Variants in SEMA4F observed in about 807,000 individuals in gnomAD.
SEMA4F encodes ssemaphorin 4F.
Under a neutral mutation model 78.4 loss-of-function variants are expected in SEMA4F, and 51 were observed. That is an observed-to-expected ratio of 0.65 (90% CI 0.52 to 0.82). The LOEUF (loss-of-function observed/expected upper bound fraction) is 0.82. Ranked by LOEUF, SEMA4F falls within the 40% of genes least tolerant of loss-of-function variation. The pLI is 0.00. For missense variants in SEMA4F, 938 were observed against 1,014.4 expected, an observed-to-expected ratio of 0.92 and a Z score of 1.02; for synonymous variants, 418 against 408.7, an observed-to-expected ratio of 1.02 and a Z score of -0.27.
the SEMA4F span, among the ~76,000 whole-genome samples, chr2:74,689,866 A>G: frequency 1.3e-5 from 2 of 152,230 alleles, no homozygotes. Flanking sequence ...TCATGTCTCA[A>G]CACAGGCAAA....
chr2:74,696,493 C>T, the SEMA4F span, among the ~76,000 whole-genome samples: 15 of 152,230 alleles, frequency 9.9e-5, no homozygotes, highest in African/African-American at 2.4e-4. Context: ...CCACCGCGCC[C>T]GGCCCTGCCT....
chr2:74,705,056 T>G, the SEMA4F span, among the ~76,000 whole-genome samples: 1 of 152,220 alleles, frequency 6.6e-6, no homozygotes, highest in African/African-American at 2.4e-5. Flanking sequence ...AGGGTCAGGA[T>G]GGACAGAGAA....
intron 13 of SEMA4F, 132 bp from the exon 14 acceptor site, chr2:74,679,467 C>T (rs1340769245): frequency 6.8e-7 from 1 of 1,481,262 alleles, no homozygotes; most frequent in African/African-American, 1.4e-5. Context: ...CGGGCCTTAG[C>T]CTCTTTAGGA....
chr2:74,658,376 A>G lies in SEMA4F; in HGVS notation c.456+425A>G, dbSNP rs912764248. 1.3e-5 allele frequency among the ~76,000 whole-genome samples: 2 copies of G among 152,204 alleles called. No individual in the cohort carries two copies. Among genetic ancestry groups the G allele is most frequent in the Admixed American group, 6.5e-5 (1 of 15,286 alleles). On this transcript the variant is annotated intron_variant, in intron 4 of 13. Transcript: ENST00000357877. This position sits in a 1 kb window ranked among gnomAD's most constrained non-coding sequence, Gnocchi z 4.3. ...CCCATTGCCTGTTTCTTCCTTTCAC[A>G]GCATGTGACTGTCTCTTACCACCTT...
In SEMA4F at chr2:74,679,621, TC is replaced by T; in HGVS notation, c.1728del (p.Val577TrpfsTer28). On this transcript the variant is annotated frameshift_variant, in exon 14 of 14. Transcript: ENST00000357877. LOFTEE classifies it high-confidence loss of function. ...CAGAACGTCCAGTAGTGTTTGAAGT[TC>T]CCGTGGCTACAGCTGCGCATGTGGT... Reference protein sequence around the residue: ...PGERPVVFEVPVATAAHVVLP... With the variant: ...PGERPVVFEVXVATAAHVVLP... 6.2e-7 allele frequency: 1 copy of T among 1,605,044 alleles called. No homozygotes were observed. Among genetic ancestry groups the T allele is most frequent in the South Asian group, 1.1e-5 (1 of 90,860 alleles).
chr2:74,701,313 C>T, the SEMA4F span, among the ~76,000 whole-genome samples: 2 of 152,156 alleles, frequency 1.3e-5, no homozygotes, highest in Non-Finnish European at 1.5e-5. Context: ...CTAGCTTTTT[C>T]AGCTACATTC....
rs752779841 is a variant in SEMA4F, at chr2:74,656,529, G to A, written c.146-5G>A. The A allele has an allele frequency of 6.2e-7, 1 of 1,612,964 alleles. No individual in the cohort carries two copies. Among genetic ancestry groups the A allele is most frequent in the Non-Finnish European group, 8.5e-7 (1 of 1,179,120 alleles). On this transcript the variant is annotated splice_polypyrimidine_tract_variant and splice_region_variant and intron_variant, in intron 1 of 13. Transcript: ENST00000357877. The stretch of plus-strand genomic sequence containing the variant: ...GCTAACATCACTCTCCTCTCTTCCT[G>A]CCAGAGGCTGACTCCTGTCTCACCC...
Position 74,657,883 on chromosome 2 carries a change from G to A in SEMA4F, c.388G>A (p.Ala130Thr), listed in dbSNP as rs375008251. ...DECHNFVQILAIANASHLLTC... is the reference protein window; with the variant it reads ...DECHNFVQILTIANASHLLTC... ...ATGTCACAATTTTGTCCAGATTCTC[G>A]CCATTGCCAATGCCTCTCACCTCCT... The change falls in exon 4 of 14, where the codon GCC becomes ACC. Residue 130 changes from alanine (A) to threonine (T), a missense_variant. Coordinates refer to ENST00000357877, the MANE Select transcript of SEMA4F (RefSeq NM_004263.5). 5.0e-6 allele frequency: 8 copies of A among 1,614,152 alleles called. No individual in the cohort carries two copies. The highest frequency in any genetic ancestry group is 2.2e-5 in the East Asian group (1 of 44,888).
the SEMA4F span, among the ~76,000 whole-genome samples, chr2:74,689,485 C>T: frequency 6.6e-6 from 1 of 152,032 alleles, no homozygotes; most frequent in Non-Finnish European, 1.5e-5. Context: ...ATCATTTGAT[C>T]CAGTAATTAC....
At chr2:74,670,126 C>T (rs1265235480) in intron 5 of SEMA4F, among the ~76,000 whole-genome samples, 3 of 152,118 alleles carry the variant, frequency 2.0e-5, no homozygotes, top group Non-Finnish European at 4.4e-5. Flanking sequence ...ATCCATTCAG[C>T]AATAATTTGC....
chr2:74,705,066 A>T, the SEMA4F span, among the ~76,000 whole-genome samples: 1 of 152,218 alleles, frequency 6.6e-6, no homozygotes, highest in East Asian at 1.9e-4. Context: ...TGGACAGAGA[A>T]GTGCATTTAT....
the SEMA4F span, among the ~76,000 whole-genome samples, chr2:74,705,425 AC>A: frequency 6.6e-6 from 1 of 152,254 alleles, no homozygotes; most frequent in Non-Finnish European, 1.5e-5. Flanking sequence ...GTAAGTAGAG[AC>A]ATCCCTGTAT....
Position 74,680,316 on chromosome 2 carries a change from T to G in SEMA4F, c.*107T>G. The stretch of plus-strand genomic sequence containing the variant: ...AGACCATCCCAGCCTCTGAGTTCTC[T>G]TTGAGTATGAGTGATTACTTGGATT... On this transcript the variant is annotated 3_prime_UTR_variant, in exon 14 of 14. Transcript: ENST00000357877. 7.7e-7 allele frequency: 1 copy of G among 1,305,066 alleles called. No individual in the cohort carries two copies. Among genetic ancestry groups the G allele is most frequent in the Non-Finnish European group, 1.0e-6 (1 of 952,566 alleles). The allele number at this position is 1,305,066 out of a possible 1,614,324, so 80.8% of individuals were successfully genotyped here. A position where few individuals can be genotyped will look rare whatever the true frequency, so the allele number is the denominator to read the frequency against.
chr2:74,697,056 A>G, the SEMA4F span, among the ~76,000 whole-genome samples: 1 of 152,230 alleles, frequency 6.6e-6, no homozygotes, highest in Non-Finnish European at 1.5e-5. Flanking sequence ...ACTTTTGACG[A>G]ATATTACCAA....
Position 74,675,289 on chromosome 2 carries a change from TG to T in SEMA4F, c.1278del (p.Leu427TrpfsTer16), listed in dbSNP as rs1031496406. The T allele has an allele frequency of 6.2e-7, 1 of 1,614,068 alleles. No individual in the cohort carries two copies. Among genetic ancestry groups the T allele is most frequent in the Admixed American group, 1.7e-5 (1 of 60,010 alleles). The part of the protein sequence containing the change: ...RPVFPADGHP[L>X]LVTTDTAYLR... ...GTGTTTCCAGCTGATGGCCACCCCC[TG>T]CTGGTCACTACAGATACAGCCTATC... On this transcript the variant is annotated frameshift_variant, in exon 10 of 14. Coordinates refer to ENST00000357877, the MANE Select transcript of SEMA4F (RefSeq NM_004263.5). LOFTEE classifies it high-confidence loss of function.
intron 4 of SEMA4F, among the ~76,000 whole-genome samples, chr2:74,662,429 C>A (rs956027535): frequency 2.6e-5 from 4 of 152,208 alleles, no homozygotes; most frequent in African/African-American, 9.7e-5. Context: ...TACCTTCAGC[C>A]TCTTAGGTGC....
chr2:74,654,381 C>G lies in SEMA4F; in HGVS notation c.5C>G (p.Pro2Arg). 1 of 1,506,078 alleles carries G rather than the reference C, an allele frequency of 6.6e-7. No homozygotes were observed. Among genetic ancestry groups the G allele is most frequent in the African/African-American group, 1.4e-5 (1 of 69,038 alleles). 93.3% of individuals were successfully genotyped at this position (1,506,078 alleles called of 1,614,324 possible). A position where few individuals can be genotyped will look rare whatever the true frequency, so the allele number is the denominator to read the frequency against. Residue 2 changes from proline (P) to arginine (R), a missense_variant, in exon 1 of 14, where the codon CCG becomes CGG. By Grantham distance (103) the Pro-to-Arg change is moderately radical. Transcript: ENST00000357877. The part of the protein sequence containing the change: M[P>R]ASAARPRPGP... ...CGCGGCCAGGCGGAGCCAAAGATGC[C>G]GGCCTCTGCTGCGCGGCCCCGCCCG...
chr2:74,664,207 C>T (rs919960865), intron 5 of SEMA4F, among the ~76,000 whole-genome samples: 1 of 152,086 alleles, frequency 6.6e-6, no homozygotes, highest in Non-Finnish European at 1.5e-5. Flanking sequence ...AGCATGTGCA[C>T]AGTATAAAAC....
chr2:74,657,838 G>A lies in SEMA4F; in HGVS notation c.358-15G>A, dbSNP rs3025985. On this transcript the variant is annotated splice_polypyrimidine_tract_variant and intron_variant, in intron 3 of 13. Transcript: ENST00000357877. The stretch of plus-strand genomic sequence containing the variant: ...CTGCTGCTTCTGATTCTTTCTAACC[G>A]TCTCTGACCCCCAGGACGAATGTCA... 3.7e-3 allele frequency: 6,014 copies of A among 1,610,368 alleles called. 51 individuals carry two copies. The highest frequency in any genetic ancestry group is 0.022 in the Middle Eastern group (135 of 6,058).
Sources: allele counts gnomAD v4.1 joint callset (sites outside exome capture counted in the v4.1 genomes callset), GRCh38; gene constraint gnomAD v4.1.1; non-coding constraint Gnocchi (gnomAD v3.1); transcripts MANE v1.5; gene names NCBI Gene and HGNC (gene_info 2026-07-23, HGNC 2026-07-21).